Variants in LGSN observed in about 807,000 individuals in gnomAD.
LGSN encodes the protein lengsin, lens protein with glutamine synthetase domain, also known as lengsin.
Under a neutral mutation model 19.5 loss-of-function variants are expected in LGSN, and 21 were observed. That is an observed-to-expected ratio of 1.07 (90% confidence interval 0.76 to 1.55). LGSN has a LOEUF of 1.55. LGSN is among the 40% of genes most tolerant of loss of function. The pLI is 0.00. For synonymous variants in LGSN, 257 were observed against 215.6 expected, an observed-to-expected ratio of 1.19 and a Z score of -1.68; for missense variants, 673 against 608.5, an observed-to-expected ratio of 1.11 and a Z score of -1.12.
the LGSN span, among the ~76,000 whole-genome samples, chr6:63,549,743 G>A: frequency 2.0e-5 from 3 of 151,640 alleles, no homozygotes; most frequent in Non-Finnish European, 4.4e-5. Context: ...CTCATATGTG[G>A]AAGCTAAAAA....
chr6:63,452,444 A>G, the LGSN span, among the ~76,000 whole-genome samples: 2 of 152,028 alleles, frequency 1.3e-5, no homozygotes, highest in South Asian at 4.1e-4. Context: ...AAAATTTTTC[A>G]CTGTGACTTT....
chr6:63,429,735 CAAAAA>C, the LGSN span, among the ~76,000 whole-genome samples: 1 of 124,608 alleles, frequency 8.0e-6, no homozygotes, highest in Non-Finnish European at 1.7e-5. Context: ...GACTCCATCT[CAAAAA>C]AAAAAAAAAA....
chr6:63,393,969 C>G, the LGSN span, among the ~76,000 whole-genome samples: 2 of 152,096 alleles, frequency 1.3e-5, no homozygotes, highest in Admixed American at 1.3e-4. Context: ...AAAGGCTTTG[C>G]TAATAAAACA....
chr6:63,528,611 T>C, the LGSN span, among the ~76,000 whole-genome samples: 1 of 151,644 alleles, frequency 6.6e-6, no homozygotes, highest in African/African-American at 2.4e-5. Context: ...TAGCCAGGCA[T>C]GGCGGCATGC....
chr6:63,488,079 C>T, the LGSN span, among the ~76,000 whole-genome samples: 1 of 152,136 alleles, frequency 6.6e-6, no homozygotes, highest in South Asian at 2.1e-4. Context: ...CAATACTGCA[C>T]ATCAGGGAAG....
At chr6:63,487,607 A>G in the LGSN span, among the ~76,000 whole-genome samples, 1 of 152,198 alleles carries the variant, frequency 6.6e-6, no homozygotes, top group African/African-American at 2.4e-5. Flanking sequence ...CTTCTATCCA[A>G]TCCTATGTAT....
At chr6:63,412,518 GAAAGAAAGAAGGAAA>G in the LGSN span, among the ~76,000 whole-genome samples, 67 of 99,854 alleles carry the variant, frequency 6.7e-4, no homozygotes, top group African/African-American at 1.6e-3. Context: ...AAGAAAGAAA[GAAAGAAAGAAGGAAA>G]GAAAGAAAGA....
the LGSN span, among the ~76,000 whole-genome samples, chr6:63,418,649 CA>C: frequency 6.6e-6 from 1 of 152,190 alleles, no homozygotes. Context: ...CCTCAGGACT[CA>C]AGGGGAAATA....
the LGSN span, among the ~76,000 whole-genome samples, chr6:63,458,641 G>A: frequency 2.0e-5 from 3 of 152,164 alleles, no homozygotes; most frequent in Non-Finnish European, 4.4e-5. Context: ...TGGTTTCATT[G>A]CCTATGACAT....
At chr6:63,320,323 C>T (rs983919558), upstream of LGSN, among the ~76,000 whole-genome samples, 4 of 152,132 alleles carry the variant, frequency 2.6e-5, no homozygotes, top group Middle Eastern at 6.8e-3. Context: ...ACTTATTAGA[C>T]GACTATGCTA....
At chr6:63,426,556 C>T in the LGSN span, among the ~76,000 whole-genome samples, 1 of 150,918 alleles carries the variant, frequency 6.6e-6, no homozygotes, top group South Asian at 2.1e-4. Context: ...GCTCTGTTGC[C>T]CAGGCTAGAG....
At chr6:63,449,307 G>A in the LGSN span, among the ~76,000 whole-genome samples, 1 of 152,072 alleles carries the variant, frequency 6.6e-6, no homozygotes, top group Non-Finnish European at 1.5e-5. Context: ...TGCACTTTGG[G>A]AGGCCGAGGC....
the LGSN span, among the ~76,000 whole-genome samples, chr6:63,340,237 T>G: frequency 6.6e-6 from 1 of 152,162 alleles, no homozygotes; most frequent in Non-Finnish European, 1.5e-5. Context: ...ATAATGTGCC[T>G]TGGAGAAGAC....
At chr6:63,358,684 T>C in the LGSN span, among the ~76,000 whole-genome samples, 1 of 152,248 alleles carries the variant, frequency 6.6e-6, no homozygotes, top group Non-Finnish European at 1.5e-5. Flanking sequence ...ATTGATTTTG[T>C]ATGCTGAGAC....
At chr6:63,318,548 A>G (rs1399719739) in intron 1 of LGSN, among the ~76,000 whole-genome samples, 2 of 152,216 alleles carry the variant, frequency 1.3e-5, no homozygotes, top group Non-Finnish European at 2.9e-5. Flanking sequence ...AGTAAATACA[A>G]TGCTCTATTC....
At chr6:63,349,696 C>T in the LGSN span, among the ~76,000 whole-genome samples, 14 of 152,120 alleles carry the variant, frequency 9.2e-5, no homozygotes, top group African/African-American at 3.1e-4. Context: ...TGCCCTTGGC[C>T]AACAACCAGC....
the LGSN span, among the ~76,000 whole-genome samples, chr6:63,390,118 C>CTTTCT: frequency 1.8e-4 from 12 of 66,318 alleles, no homozygotes; most frequent in African/African-American, 7.3e-4. Context: ...TTCTTTCTTT[C>CTTTCT]TTTTTTTTTT....
At chr6:63,547,494 G>T in the LGSN span, among the ~76,000 whole-genome samples, 6 of 149,752 alleles carry the variant, frequency 4.0e-5, no homozygotes. Flanking sequence ...CCGGCCAGGG[G>T]GGAATTTTTT....
chr6:63,384,983 G>C, the LGSN span, among the ~76,000 whole-genome samples: 1 of 152,210 alleles, frequency 6.6e-6, no homozygotes, highest in Non-Finnish European at 1.5e-5. Context: ...AATGTGGCCA[G>C]CTGTAAGCCA....
Sources: gnomAD v4.1 joint callset for allele counts (sites outside exome capture counted in the v4.1 genomes callset) on GRCh38, gnomAD v4.1.1 for gene constraint, MANE v1.5 for transcripts, NCBI Gene and HGNC (gene_info 2026-07-23, HGNC 2026-07-21) for gene names.